HDAC4: variants seen among roughly 807,000 people sequenced by gnomAD.
HDAC4 encodes the protein histone deacetylase A.
Under a neutral mutation model 135.1 loss-of-function variants are expected in HDAC4, and 16 were observed. The ratio of observed to expected loss-of-function variants is 0.12; its 90% CI spans 0.08 to 0.18. The LOEUF (loss-of-function observed/expected upper bound fraction) is 0.18, where lower values mean the gene tolerates loss of function less well. Ranked by LOEUF, HDAC4 falls within the 10% of genes least tolerant of loss-of-function variation. HDAC4 has a pLI of 1.00. For missense variants in HDAC4, 1,143 were observed against 1,511.8 expected (o/e 0.76, Z 4.05); for synonymous variants, 685 against 653.4 (o/e 1.05, Z -0.74).
At chr2:239,168,966 C>T (rs1052861373) in intron 5 of HDAC4, among the ~76,000 whole-genome samples, 3 of 152,168 alleles carry the variant, frequency 2.0e-5, no homozygotes, top group Admixed American at 6.5e-5. Flanking sequence ...GGGTGGACGG[C>T]GCTTCGGATG....
At chr2:239,111,022 G>A (rs1249520274) in intron 14 of HDAC4, among the ~76,000 whole-genome samples, 1 of 152,248 alleles carries the variant, frequency 6.6e-6, no homozygotes, top group Admixed American at 6.5e-5. Flanking sequence ...ATGAGGGATG[G>A]CACAGACAGA....
At chr2:239,353,007 T>G in intron 1 of HDAC4, 89 bp from the exon 2 acceptor site, 1 of 401,740 alleles carries the variant, frequency 2.5e-6, no homozygotes, top group South Asian at 2.6e-5. Context: ...AATGATGACT[T>G]CCTCTTTTTT....
At chr2:239,336,833 T>C (rs1691970060) in intron 2 of HDAC4, among the ~76,000 whole-genome samples, 1 of 152,232 alleles carries the variant, frequency 6.6e-6, no homozygotes, top group African/African-American at 2.4e-5. Flanking sequence ...TTTCCTGAAG[T>C]TTCCCACTAA....
chr2:239,124,744 ATGACATTCCATGTTATG>A (rs1224001050), intron 12 of HDAC4, among the ~76,000 whole-genome samples: 21 of 113,738 alleles, frequency 1.8e-4, no homozygotes, highest in African/African-American at 3.7e-4. Context: ...GCTGCGTTAT[ATGACATTCCATGTTATG>A]TGACATTCTG....
At chr2:239,191,857 G>A (rs566305427) in intron 3 of HDAC4, among the ~76,000 whole-genome samples, 45 of 152,352 alleles carry the variant, frequency 3.0e-4, no homozygotes, top group African/African-American at 1.1e-3. Context: ...TTCCTGGACA[G>A]TGAAAAGACA....
intron 1 of HDAC4, among the ~76,000 whole-genome samples, chr2:239,388,687 G>A (rs1695994181): frequency 6.6e-6 from 1 of 152,176 alleles, no homozygotes; most frequent in South Asian, 2.1e-4. Flanking sequence ...TGGGGTCACT[G>A]GGCTGCAGCC....
intron 3 of HDAC4, among the ~76,000 whole-genome samples, chr2:239,192,523 G>C (rs750672405): frequency 1.2e-4 from 18 of 152,214 alleles, no homozygotes; most frequent in Non-Finnish European, 2.2e-4. Context: ...CAAACTCGGA[G>C]AAAAGAGAAC....
At chr2:239,339,531 G>A (rs561397366) in intron 2 of HDAC4, among the ~76,000 whole-genome samples, 4 of 152,260 alleles carry the variant, frequency 2.6e-5, no homozygotes, top group South Asian at 4.1e-4. Flanking sequence ...ATGCTCTCTC[G>A]GGTGATGTGA....
At chr2:239,185,582 TCTTGTG>T (rs1235503294) in intron 4 of HDAC4, among the ~76,000 whole-genome samples, 2 of 151,958 alleles carry the variant, frequency 1.3e-5, no homozygotes, top group African/African-American at 4.8e-5. Context: ...CGGGGCCCAG[TCTTGTG>T]CTTGGGGTCT....
chr2:239,236,967 C>T (rs1191147116), intron 2 of HDAC4, among the ~76,000 whole-genome samples: 1 of 152,252 alleles, frequency 6.6e-6, no homozygotes, highest in East Asian at 1.9e-4. Flanking sequence ...GATCAGAAGT[C>T]GGCTCTTCTG....
chr2:239,310,940 C>T lies in HDAC4; in HGVS notation c.22+41738G>A, dbSNP rs577164674. Among the ~76,000 whole-genome samples, 10 of 152,340 alleles carry T rather than the reference C, an allele frequency of 6.6e-5. No individual in the cohort carries two copies. In the East Asian group the frequency reaches 1.9e-3, roughly 29 times the overall value. On this transcript the variant is annotated intron_variant, in intron 2 of 26. Transcript: ENST00000543185. ...GGCCATTTAAGAAAACGAACCCTGA[C>T]GTTAACCTGCTTGAGCCCTAATACT...
At chr2:239,109,793 G>T (rs2038503836) in intron 14 of HDAC4, among the ~76,000 whole-genome samples, 1 of 152,216 alleles carries the variant, frequency 6.6e-6, no homozygotes, top group Non-Finnish European at 1.5e-5. Flanking sequence ...GAAACAACCA[G>T]TTGCTCACGG....
At chr2:239,270,298 T>C (rs2049987759) in intron 2 of HDAC4, among the ~76,000 whole-genome samples, 1 of 152,116 alleles carries the variant, frequency 6.6e-6, no homozygotes, top group Non-Finnish European at 1.5e-5. Context: ...GAGAGGGAAA[T>C]TCTGAGCAAG....
chr2:239,082,404 G>A (rs548174330), intron 20 of HDAC4, among the ~76,000 whole-genome samples, 183 bp from the exon 21 acceptor site: 4 of 152,344 alleles, frequency 2.6e-5, no homozygotes, highest in South Asian at 4.1e-4. Context: ...TCAGGGCTAC[G>A]TGGTGCAGGG....
At chr2:239,346,682 ACTGT>A (rs1312148314) in intron 2 of HDAC4, among the ~76,000 whole-genome samples, 1 of 149,876 alleles carries the variant, frequency 6.7e-6, no homozygotes, top group Non-Finnish European at 1.5e-5. Context: ...AAACACACAC[ACTGT>A]CTAAAACACA....
rs1179777839 is a variant in HDAC4, at chr2:239,245,967, C to A, written c.23-9303G>T. Among the ~76,000 whole-genome samples the A allele has an allele frequency of 6.6e-6, 1 of 152,160 alleles. No individual in the cohort carries two copies. The highest frequency in any genetic ancestry group is 2.4e-5 in the African/African-American group (1 of 41,420). On this transcript the variant is annotated intron_variant, in intron 2 of 26. Coordinates refer to ENST00000543185, the MANE Select transcript of HDAC4 (RefSeq NM_001378414.1). This position sits in a 1 kb window ranked among gnomAD's most constrained non-coding sequence, Gnocchi z 4.4. ...GAGAGTGAGCAACGCAGAGGCCTGG[C>A]CCCGGCCCAGCAGAACCGGCAACCC...
At chr2:239,080,234 ATATG>A in intron 22 of HDAC4, among the ~76,000 whole-genome samples, 1 of 152,386 alleles carries the variant, frequency 6.6e-6, no homozygotes, top group Admixed American at 6.5e-5. Flanking sequence ...CGTGCGTTTT[ATATG>A]TATGTAAATC....
chr2:239,294,530 G>A (rs1009470433), intron 2 of HDAC4, among the ~76,000 whole-genome samples: 8 of 152,192 alleles, frequency 5.3e-5, no homozygotes, highest in African/African-American at 1.4e-4. Flanking sequence ...AGCTCTGTTA[G>A]ACCTAGGCTT....
chr2:239,252,975 C>T (rs2048865769), intron 2 of HDAC4, among the ~76,000 whole-genome samples: 1 of 152,234 alleles, frequency 6.6e-6, no homozygotes, highest in Non-Finnish European at 1.5e-5. Context: ...CTGGCCACGG[C>T]GGCCCGCACT....
Sources: gnomAD v4.1 joint callset for allele counts (sites outside exome capture counted in the v4.1 genomes callset) on GRCh38, gnomAD v4.1.1 for gene constraint, Gnocchi (gnomAD v3.1) non-coding constraint, MANE v1.5 for transcripts, NCBI Gene and HGNC (gene_info 2026-07-23, HGNC 2026-07-21) for gene names.